Variants in ARID1A observed in about 807,000 individuals in gnomAD.
The protein encoded by ARID1A is AT-rich interaction domain 1A, also known as AT-rich interactive domain-containing protein 1A.
ARID1A carries 20 observed loss-of-function variants against 212.6 expected under a neutral mutation model. The ratio of observed to expected loss-of-function variants is 0.09; its 90% CI spans 0.07 to 0.14. The LOEUF (loss-of-function observed/expected upper bound fraction) is 0.14. Ranked by LOEUF, ARID1A falls within the 10% of genes least tolerant of loss-of-function variation. The pLI is 1.00. For missense variants in ARID1A, 2,587 were observed against 3,059.0 expected (o/e 0.85, Z 3.64); for synonymous variants, 1,376 against 1,222.1 (o/e 1.13, Z -2.63).
intron 1 of ARID1A, among the ~76,000 whole-genome samples, chr1:26,721,048 T>TA (rs2080559888): frequency 6.6e-6 from 1 of 152,154 alleles, no homozygotes; most frequent in Non-Finnish European, 1.5e-5. Context: ...CAGATGTACT[T>TA]ACTGCCTCTC....
Position 26,697,482 on chromosome 1 carries a change from C to T in ARID1A, c.1079C>T (p.Ala360Val), listed in dbSNP as rs1310982256. The change falls in exon 1 of 20, where the codon GCG becomes GTG. Residue 360 changes from alanine to valine, a missense_variant. Coordinates refer to ENST00000324856, the MANE Select transcript of ARID1A (RefSeq NM_006015.6). ...SGGAQQRSHH[A>V]PMSPGSSGGG... ...GGGGCCCAACAAAGGAGCCACCACG[C>T]GCCCATGAGCCCCGGGAGCAGCGGC... 3 of 1,401,570 alleles carry T rather than the reference C, an allele frequency of 2.1e-6. No homozygotes were observed. The highest frequency in any genetic ancestry group is 3.0e-5 in the African/African-American group (2 of 65,720). 86.8% of individuals were successfully genotyped at this position (1,401,570 alleles called of 1,614,324 possible).
At chr1:26,726,531 T>C (rs114706655) in intron 1 of ARID1A, among the ~76,000 whole-genome samples, 53 of 152,318 alleles carry the variant, frequency 3.5e-4, no homozygotes, top group Non-Finnish European at 4.6e-4. Flanking sequence ...TTCTTTCTCA[T>C]CTTTCACTTC....
intron 1 of ARID1A, among the ~76,000 whole-genome samples, chr1:26,715,788 A>T (rs556368248): frequency 6.6e-6 from 1 of 152,288 alleles, no homozygotes; most frequent in South Asian, 2.1e-4. Flanking sequence ...CAGGAAGATC[A>T]CATGAGCCCT....
chr1:26,737,168 T>C (rs533722598), intron 4 of ARID1A, among the ~76,000 whole-genome samples: 1 of 151,708 alleles, frequency 6.6e-6, no homozygotes, highest in Non-Finnish European at 1.5e-5. Context: ...CAGGCTGGAG[T>C]GTAGTGGTTT....
chr1:26,780,228 C>T lies in ARID1A; in HGVS notation c.6330C>T (p.Ala2110=), dbSNP rs748557870. 6.2e-6 allele frequency: 10 copies of T among 1,614,070 alleles called. No homozygotes were observed. Among genetic ancestry groups the T allele is most frequent in the East Asian group, 2.2e-5 (1 of 44,894 alleles). The change falls in exon 20 of 20, where the codon GCC becomes GCT. Residue 2110 remains alanine, a synonymous_variant. Transcript: ENST00000324856. The surrounding 1 kb of genome is among the most constrained non-coding windows in gnomAD (Gnocchi z 7.2). The part of the protein sequence containing the change: ...QDPFSTLGPN[A]VLSPQRLVLE... ...CCTTTTCCACCCTGGGCCCCAATGC[C>T]GTCCTTTCCCCGCAGAGACTGGTCT...
At chr1:26,763,622 T>C (rs2081012987) in intron 8 of ARID1A, among the ~76,000 whole-genome samples, 2 of 152,074 alleles carry the variant, frequency 1.3e-5, no homozygotes, top group African/African-American at 4.8e-5. Flanking sequence ...ATACAAAAAT[T>C]AGCTGGGTGT....
intron 4 of ARID1A, among the ~76,000 whole-genome samples, chr1:26,757,690 C>T (rs1031441545): frequency 6.6e-6 from 1 of 150,724 alleles, no homozygotes; most frequent in Admixed American, 6.6e-5. Flanking sequence ...TTTCTTGAGA[C>T]GGAGTCTCAC....
chr1:26,750,549 T>C (rs2080874929), intron 4 of ARID1A, among the ~76,000 whole-genome samples: 1 of 152,016 alleles, frequency 6.6e-6, no homozygotes, highest in Non-Finnish European at 1.5e-5. Context: ...TCCTGCAGTT[T>C]GGAAGGGTGG....
rs2124055218 is a variant in ARID1A, at chr1:26,760,962, C to T, written c.2027C>T (p.Pro676Leu). 1 of 1,613,998 alleles carries T rather than the reference C, an allele frequency of 6.2e-7. No homozygotes were observed. The highest frequency in any genetic ancestry group is 1.3e-5 in the African/African-American group (1 of 74,952). Residue 676 changes from proline to leucine, a missense_variant, in exon 5 of 20, where the codon CCA (proline) becomes CTA (leucine). Around this residue, in one of 11 missense-constraint regions of ARID1A, gnomAD observed 674 missense variants for 813.4 expected, o/e 0.83. Transcript: ENST00000324856. ...ISSSQGEQSN[P>L]AQSPFSPHTS... ...AGCAGCCAAGGAGAGCAGAGTAATCCAGCTCAGTCTCCTTTCTCTCCTCAT... is the reference window on the plus strand; with the variant it reads ...AGCAGCCAAGGAGAGCAGAGTAATCTAGCTCAGTCTCCTTTCTCTCCTCAT...
At chr1:26,743,438 A>G (rs941380794) in intron 4 of ARID1A, among the ~76,000 whole-genome samples, 1 of 152,076 alleles carries the variant, frequency 6.6e-6, no homozygotes, top group Non-Finnish European at 1.5e-5. Flanking sequence ...CCTTTGTTGA[A>G]TACCTCCTAG....
intron 18 of ARID1A, 30 bp from the exon 19 acceptor site, chr1:26,775,547 G>A (rs752354810): frequency 6.2e-7 from 1 of 1,612,760 alleles, no homozygotes; most frequent in Non-Finnish European, 8.5e-7. Context: ...CCTGGGCTTG[G>A]TGGATAGACG....
At chr1:26,749,089 C>T (rs1159094087) in intron 4 of ARID1A, among the ~76,000 whole-genome samples, 2 of 152,066 alleles carry the variant, frequency 1.3e-5, no homozygotes, top group South Asian at 2.1e-4. Flanking sequence ...GGTGTGAACC[C>T]GGGAGGCAGA....
chr1:26,776,421 C>T (rs1376756087), intron 19 of ARID1A, among the ~76,000 whole-genome samples: 1 of 151,744 alleles, frequency 6.6e-6, no homozygotes, highest in East Asian at 1.9e-4. Flanking sequence ...CTACAGGCGC[C>T]CGCCACCACG....
chr1:26,725,852 CT>C (rs71007888), intron 1 of ARID1A, among the ~76,000 whole-genome samples: 6,922 of 126,696 alleles, frequency 0.055, 96 homozygotes, highest in Non-Finnish European at 0.076. Context: ...TGGTATAAAC[CT>C]TTTTTTTTTT....
intron 4 of ARID1A, among the ~76,000 whole-genome samples, chr1:26,739,518 T>G (rs1246304074): frequency 6.6e-6 from 1 of 152,178 alleles, no homozygotes; most frequent in Non-Finnish European, 1.5e-5. Context: ...GAAAAAAAAT[T>G]ACTAGACTAG....
intron 4 of ARID1A, among the ~76,000 whole-genome samples, chr1:26,737,988 T>A (rs545868375): frequency 4.7e-4 from 72 of 152,160 alleles, no homozygotes; most frequent in African/African-American, 1.7e-3. Flanking sequence ...CAGGTAGAGA[T>A]CTATTCCAGA....
chr1:26,713,673 C>T (rs746610921), intron 1 of ARID1A, among the ~76,000 whole-genome samples: 1 of 152,126 alleles, frequency 6.6e-6, no homozygotes, highest in African/African-American at 2.4e-5. Flanking sequence ...TTAGTATCTG[C>T]TTTCCTTTCT....
intron 1 of ARID1A, among the ~76,000 whole-genome samples, chr1:26,705,101 G>A (rs1557576374): frequency 6.6e-6 from 1 of 152,018 alleles, no homozygotes; most frequent in Non-Finnish European, 1.5e-5. Context: ...TCTACCTGGA[G>A]AAGGATTGGT....
intron 1 of ARID1A, among the ~76,000 whole-genome samples, chr1:26,707,867 C>A (rs1442333608): frequency 1.3e-5 from 2 of 152,100 alleles, no homozygotes; most frequent in Non-Finnish European, 2.9e-5. Context: ...GTTTGTCTGA[C>A]AAGGTAGACA....
Sources: gnomAD v4.1 joint callset for allele counts (sites outside exome capture counted in the v4.1 genomes callset) on GRCh38, gnomAD v4.1.1 for gene constraint, gnomAD v4.1.1 regional missense constraint, Gnocchi (gnomAD v3.1) non-coding constraint, MANE v1.5 for transcripts, NCBI Gene and HGNC (gene_info 2026-07-23, HGNC 2026-07-21) for gene names.